Variants in NBEAL2 observed in about 807,000 individuals in gnomAD.
The protein encoded by NBEAL2 is neurobeachin-like protein 2.
NBEAL2 carries 160 observed loss-of-function variants against 299.8 expected under a neutral mutation model. The observed-to-expected ratio is 0.53, with a 90% CI of 0.47 to 0.61. NBEAL2 has a LOEUF of 0.61. Ranked by LOEUF, NBEAL2 falls within the 20% of genes least tolerant of loss-of-function variation. The pLI, the probability that NBEAL2 is intolerant of heterozygous loss-of-function variation, is 0.00. For synonymous variants in NBEAL2, 1,493 were observed against 1,542.3 expected, an observed-to-expected ratio of 0.97 and a Z score of 0.75; for missense variants, 3,112 against 3,649.0, an observed-to-expected ratio of 0.85 and a Z score of 3.79.
In NBEAL2 at chr3:47,009,306, A is replaced by C. The variant is rs2037720528; in HGVS notation, c.8251A>C (p.Thr2751Pro). The change falls in exon 54 of 54, where the codon ACT becomes CCT. Residue 2751 changes from threonine (T) to proline (P), a missense_variant. By Grantham distance (38) the Thr-to-Pro change is conservative. This residue lies in a region of NBEAL2 where 348 missense variants were observed against 381.4 expected (regional missense o/e 0.91). Transcript: ENST00000450053. ...CTCGGGAGAGACGGAATACAACCCT[A>C]CTGAGGCGCGCTGAACCTGGCCAGT... ...VSSGETEYNP[T>P]EAR 2 of 1,597,078 alleles carry C rather than the reference A, an allele frequency of 1.3e-6. No homozygotes were observed. The highest frequency in any genetic ancestry group is 1.3e-5 in the African/African-American group (1 of 74,602).
Position 47,008,297 on chromosome 3 carries a change from C to T in NBEAL2, c.7734C>T (p.Ile2578=). Residue 2578 remains isoleucine (I), a synonymous_variant, in exon 51 of 54, where the codon ATC becomes ATT. Coordinates refer to ENST00000450053, the MANE Select transcript of NBEAL2 (RefSeq NM_015175.3). ...AVSGSEDGTV[I]IHTVRRGQFV... is the part of the protein sequence containing the mutation. ...CCTTCCTGCAGGATGGAACTGTGAT[C>T]ATACACACTGTACGCCGCGGACAGT... The T allele has an allele frequency of 6.2e-7, 1 of 1,613,208 alleles. No homozygotes were observed. The highest frequency in any genetic ancestry group is 8.5e-7 in the Non-Finnish European group (1 of 1,179,526).
chr3:46,980,820 C>A (rs1291515024), intron 1 of NBEAL2, among the ~76,000 whole-genome samples: 1 of 152,186 alleles, frequency 6.6e-6, no homozygotes, highest in Non-Finnish European at 1.5e-5. Flanking sequence ...GTAACACTCC[C>A]CTCCCCTTCA....
Position 47,004,821 on chromosome 3 carries a change from C to T in NBEAL2, c.6295-151C>T. On this transcript the variant is annotated intron_variant, in intron 38 of 53. Transcript: ENST00000450053. This position sits in a 1 kb window ranked among gnomAD's most constrained non-coding sequence, Gnocchi z 5.0. ...TCAAAAGGAATCCTGTTCCAGGACA[C>T]TCTGTCCTTCTCCCCTGTGACCCCT... 2.5e-6 allele frequency: 3 copies of T among 1,222,360 alleles called. No individual in the cohort carries two copies. The East Asian group carries it at 7.6e-5, about 31-fold the overall frequency. 75.7% of individuals were successfully genotyped at this position (1,222,360 alleles called of 1,614,324 possible).
Position 47,007,635 on chromosome 3 carries a change from G to A in NBEAL2, c.7445G>A (p.Gly2482Asp). ...KLLFSGGHWDGSLRVTALPRG... is the reference protein window; with the variant it reads ...KLLFSGGHWDDSLRVTALPRG... Reference sequence around the variant, plus strand: ...CTATTCAGCGGTGGCCACTGGGATGGCAGCCTGCGGGTGACTGCACTACCC... The same window carrying A: ...CTATTCAGCGGTGGCCACTGGGATGACAGCCTGCGGGTGACTGCACTACCC... Residue 2482 changes from glycine (G) to aspartate (D), a missense_variant, in exon 48 of 54, where the codon GGC (glycine) becomes GAC (aspartate). Around this residue, in one of 3 missense-constraint regions of NBEAL2, gnomAD observed 348 missense variants for 381.4 expected, o/e 0.91. Transcript: ENST00000450053. The A allele has an allele frequency of 6.2e-7, 1 of 1,611,110 alleles. No individual in the cohort carries two copies. Among genetic ancestry groups the A allele is most frequent in the Non-Finnish European group, 8.5e-7 (1 of 1,179,072 alleles).
At position 47,004,153 on chromosome 3, in the gene NBEAL2, A is replaced by G. The variant is rs368356989; in HGVS notation, c.5958A>G (p.Ser1986=). The part of the protein sequence containing the change: ...VHLRRFNLRR[S]ALELFFIDQA... Reference sequence around the variant, plus strand: ...TGCGGCGTTTCAACCTGCGCCGTTCAGCACTTGAGCTCTTCTTTATCGATC... The same window carrying G: ...TGCGGCGTTTCAACCTGCGCCGTTCGGCACTTGAGCTCTTCTTTATCGATC... The change falls in exon 37 of 54, where the codon TCA becomes TCG. Residue 1986 remains serine, a synonymous_variant. Transcript: ENST00000450053. This position sits in a 1 kb window ranked among gnomAD's most constrained non-coding sequence, Gnocchi z 5.0. 73 of 1,613,582 alleles carry G rather than the reference A, an allele frequency of 4.5e-5. No individual in the cohort carries two copies. Among genetic ancestry groups the G allele is most frequent in the Non-Finnish European group, 6.0e-5 (71 of 1,179,772 alleles).
rs2036921107 is a variant in NBEAL2 at position 47,000,873 on chromosome 3, A to G, written c.4306-128A>G. 2.2e-6 allele frequency: 3 copies of G among 1,371,036 alleles called. No homozygotes were observed. The Admixed American group carries it at 6.8e-5, about 31-fold the overall frequency. 84.9% of individuals were successfully genotyped at this position (1,371,036 alleles called of 1,614,324 possible). A position where few individuals can be genotyped will look rare whatever the true frequency, so the allele number is the denominator to read the frequency against. ...GGCCCTTAGTGCCAGGCTCACTGTT[A>G]GCCAAATGCTCTGACTCCTGGGTGG... On this transcript the variant is annotated intron_variant, in intron 27 of 53. Transcript: ENST00000450053. The surrounding 1 kb of genome is among the most constrained non-coding windows in gnomAD (Gnocchi z 4.5).
At chr3:47,006,520 C>T (rs773578189) in intron 45 of NBEAL2, 71 bp downstream of exon 45, 85 of 1,371,794 alleles carry the variant, frequency 6.2e-5, no homozygotes, top group Non-Finnish European at 7.2e-5. Context: ...TTACCAACCA[C>T]GTGGGGCAGA....
In NBEAL2 at chr3:47,008,367, A is replaced by G. The variant is rs747891206; in HGVS notation, c.7804A>G (p.Ile2602Val). Residue 2602 changes from isoleucine (I) to valine (V), a missense_variant, in exon 51 of 54, where the codon ATT becomes GTT. By Grantham distance (29) the Ile-to-Val change is conservative. This residue lies in a region of NBEAL2 where 348 missense variants were observed against 381.4 expected (regional missense o/e 0.91). Transcript: ENST00000450053. ...TCTGGGTGCCACATTCCCTGGACCT[A>G]TTTTCCACCTGGCATTGGGGTCCGA... is the stretch of plus-strand genomic sequence containing the variant. ...RPLGATFPGP[I>V]FHLALGSEGQ... 10 of 1,613,584 alleles carry G rather than the reference A, an allele frequency of 6.2e-6. No individual in the cohort carries two copies. Among genetic ancestry groups the G allele is most frequent in the African/African-American group, 1.3e-5 (1 of 74,892 alleles).
Position 47,006,425 on chromosome 3 carries a change from C to T in NBEAL2, c.7110C>T (p.Asp2370=), listed in dbSNP as rs1349165136. Residue 2370 remains aspartate, a synonymous_variant, in exon 45 of 54, where the codon GAC becomes GAT. Transcript: ENST00000450053. ...TNSPSIFQHL[D]ELKAFFAEVV... is the part of the protein sequence containing the mutation. ...CACCTAGCATCTTCCAGCACCTGGA[C>T]GAACTCAAGGCATTCTTCGCAGAGG... The T allele has an allele frequency of 5.0e-6, 8 of 1,588,846 alleles. No homozygotes were observed. Among genetic ancestry groups the T allele is most frequent in the East Asian group, 4.6e-5 (2 of 43,770 alleles).
chr3:46,987,911 G>A (rs2035784660), intron 1 of NBEAL2: 3 of 1,059,272 alleles, frequency 2.8e-6, no homozygotes, highest in Non-Finnish European at 3.7e-6. Flanking sequence ...GGTCTGCCGG[G>A]AGGAAGCGGT....
chr3:47,002,353 C>A lies in NBEAL2; in HGVS notation c.5152-18C>A. 6.2e-7 allele frequency: 1 copy of A among 1,613,114 alleles called. No individual in the cohort carries two copies. The highest frequency in any genetic ancestry group is 8.5e-7 in the Non-Finnish European group (1 of 1,179,570). Reference sequence around the variant, plus strand: ...GGGGCCCACATCGAGCACTGTTCTCCTCTGCCCAATCCTCCAGGTACAGCC... The same window carrying A: ...GGGGCCCACATCGAGCACTGTTCTCATCTGCCCAATCCTCCAGGTACAGCC... On this transcript the variant is annotated intron_variant, in intron 31 of 53. Transcript: ENST00000450053.
chr3:46,997,729 G>A (rs1405369902), intron 20 of NBEAL2, 35 bp downstream of exon 20: 3 of 1,459,916 alleles, frequency 2.1e-6, no homozygotes. Context: ...GGGGTTAGGG[G>A]TATGGTCAGC....
Position 47,001,824 on chromosome 3 carries a change from C to G in NBEAL2, c.4780C>G (p.Gln1594Glu). The G allele has an allele frequency of 1.2e-6, 2 of 1,613,664 alleles. No homozygotes were observed. Among genetic ancestry groups the G allele is most frequent in the Admixed American group, 1.7e-5 (1 of 60,030 alleles). The change falls in exon 30 of 54, where the codon CAG becomes GAG. Residue 1594 changes from glutamine to glutamate, a missense_variant and splice_region_variant. By Grantham distance (29) the Gln-to-Glu change is conservative. This residue lies in a region of NBEAL2 where 2,243 missense variants were observed against 2,538.1 expected (regional missense o/e 0.88). Coordinates refer to ENST00000450053, the MANE Select transcript of NBEAL2 (RefSeq NM_015175.3). This position sits in a 1 kb window ranked among gnomAD's most constrained non-coding sequence, Gnocchi z 6.1. ...TGGCTACATCCTGCTGGAAGACCCA[C>G]AGGTGAGCACAGGGTGAGCATGGGG... ...VLGYILLEDP[Q>E]LHAQAYVRLH...
At position 47,004,536 on chromosome 3, in the gene NBEAL2, G is replaced by GC; in HGVS notation, c.6241dup (p.Gln2081ProfsTer12). ...AGATATCCAACTTCGAGTACTTGAT[G>GC]CAACTCAACACCATTGCGGGGCGGA... On this transcript the variant is annotated frameshift_variant, in exon 38 of 54. Transcript: ENST00000450053. LOFTEE classifies it high-confidence loss of function. This position sits in a 1 kb window ranked among gnomAD's most constrained non-coding sequence, Gnocchi z 5.0. 1 of 1,613,808 alleles carries GC rather than the reference G, an allele frequency of 6.2e-7. No individual in the cohort carries two copies. Among genetic ancestry groups the GC allele is most frequent in the Non-Finnish European group, 8.5e-7 (1 of 1,179,838 alleles).
chr3:47,000,288 C>T lies in NBEAL2; in HGVS notation c.4189C>T (p.Pro1397Ser). 6.2e-7 allele frequency: 1 copy of T among 1,612,618 alleles called. No individual in the cohort carries two copies. The highest frequency in any genetic ancestry group is 8.5e-7 in the Non-Finnish European group (1 of 1,179,620). The change falls in exon 27 of 54, where the codon CCC becomes TCC. Residue 1397 changes from proline (P) to serine (S), a missense_variant. Coordinates refer to ENST00000450053, the MANE Select transcript of NBEAL2 (RefSeq NM_015175.3). This position sits in a 1 kb window ranked among gnomAD's most constrained non-coding sequence, Gnocchi z 4.5. ...TCCTTCGCCACTGGATGGGCCGCGG[C>T]CCTTTCCTGCTGCTCCTGGCCGCCA... ...GTPSPLDGPR[P>S]FPAAPGRHSS...
Position 46,996,056 on chromosome 3 carries a change from G to A in NBEAL2, c.2151+5G>A. ...CGCTGCCCCTCCCTCAGTGAGGTGT[G>A]CCAAGCAAGGTTTGGGGAGGCCTTG... On this transcript the variant is annotated splice_donor_5th_base_variant and intron_variant, in intron 15 of 53. Transcript: ENST00000450053. The A allele has an allele frequency of 6.3e-7, 1 of 1,598,692 alleles. No homozygotes were observed. The highest frequency in any genetic ancestry group is 8.5e-7 in the Non-Finnish European group (1 of 1,172,800).
Position 47,000,485 on chromosome 3 carries a change from T to G in NBEAL2, c.4305+81T>G. The G allele has an allele frequency of 6.7e-7, 1 of 1,501,716 alleles. No individual in the cohort carries two copies. The highest frequency in any genetic ancestry group is 8.9e-7 in the Non-Finnish European group (1 of 1,119,488). The allele number at this position is 1,501,716 out of a possible 1,614,324, so 93.0% of individuals were successfully genotyped here. Reference sequence around the variant, plus strand: ...TACACAGGGCTGGCAGTGTAGCCTCTCCAAAGGTGTGGCCCTGTCTGACCA... The same window carrying G: ...TACACAGGGCTGGCAGTGTAGCCTCGCCAAAGGTGTGGCCCTGTCTGACCA... On this transcript the variant is annotated intron_variant, in intron 27 of 53. Coordinates refer to ENST00000450053, the MANE Select transcript of NBEAL2 (RefSeq NM_015175.3). This position sits in a 1 kb window ranked among gnomAD's most constrained non-coding sequence, Gnocchi z 4.5.
rs928558665 is a variant in NBEAL2, at chr3:46,993,944, A to G, written c.1121A>G (p.Asp374Gly). Residue 374 changes from aspartate (D) to glycine (G), a missense_variant, in exon 11 of 54, where the codon GAC (aspartate) becomes GGC (glycine). Around this residue, in one of 3 missense-constraint regions of NBEAL2, gnomAD observed 2,243 missense variants for 2,538.1 expected, o/e 0.88. Transcript: ENST00000450053. ...GCCCCTCCCCACCCCAAGGTCCTGG[A>G]CCAAGACACAGACGCCATTGCAGTC... is the stretch of plus-strand genomic sequence containing the variant. Reference protein sequence around the residue: ...LTEPDVQKVLDQDTDAIAVHV... With the variant: ...LTEPDVQKVLGQDTDAIAVHV... 1 of 1,610,388 alleles carries G rather than the reference A, an allele frequency of 6.2e-7. No individual in the cohort carries two copies. The highest frequency in any genetic ancestry group is 1.3e-5 in the African/African-American group (1 of 74,802).
Position 46,995,560 on chromosome 3 carries a change from C to G in NBEAL2, c.1825C>G (p.Leu609Val), listed in dbSNP as rs780376224. 6.8e-6 allele frequency: 11 copies of G among 1,612,718 alleles called. No individual in the cohort carries two copies. In the Admixed American group the frequency reaches 1.7e-4, roughly 24 times the overall value. Residue 609 changes from leucine to valine, a missense_variant, in exon 13 of 54, where the codon CTC (leucine) becomes GTC (valine). Leu to Val is a conservative substitution (Grantham distance 32). Coordinates refer to ENST00000450053, the MANE Select transcript of NBEAL2 (RefSeq NM_015175.3). ...GCCTGGCTTCACCTTTCATGCCTGG[C>G]TCTGTCTGCACCCTATGGATACAGC... ...PGPGFTFHAWLCLHPMDTAPT... is the reference protein window; with the variant it reads ...PGPGFTFHAWVCLHPMDTAPT...
Sources: allele counts gnomAD v4.1 joint callset (sites outside exome capture counted in the v4.1 genomes callset), GRCh38; gene constraint gnomAD v4.1.1; regional missense constraint gnomAD v4.1.1; non-coding constraint Gnocchi (gnomAD v3.1); transcripts MANE v1.5; gene names NCBI Gene and HGNC (gene_info 2026-07-23, HGNC 2026-07-21).